The following KLHL22 variants were observed in gnomAD, a reference collection of about 807,000 sequenced individuals.
KLHL22 encodes the protein kelch-like protein 22.
In KLHL22, 18 loss-of-function variants were observed where a neutral mutation model predicts 60.7. That is an observed-to-expected ratio of 0.30 (90% CI 0.20 to 0.44). KLHL22 has a LOEUF of 0.44. KLHL22 is among the 20% of genes least tolerant of loss of function. The pLI, the probability that KLHL22 is intolerant of heterozygous loss-of-function variation, is 1.00. For missense variants in KLHL22, 596 were observed against 852.3 expected (o/e 0.70, Z 3.74); for synonymous variants, 355 against 354.5 (o/e 1.00, Z -0.01).
At chr22:20,455,739 C>T (rs901658560) in intron 5 of KLHL22, among the ~76,000 whole-genome samples, 3 of 152,222 alleles carry the variant, frequency 2.0e-5, no homozygotes, top group Non-Finnish European at 2.9e-5. Context: ...TGGTAAAAAA[C>T]ACACCTCCTG....
At chr22:20,489,952 G>C in intron 1 of KLHL22, 1 of 368,594 alleles carries the variant, frequency 2.7e-6, no homozygotes, top group South Asian at 2.1e-5. Flanking sequence ...TCTAATAATT[G>C]AGTCAGTACG....
intron 2 of KLHL22, chr22:20,483,296 A>C: frequency 1.4e-6 from 1 of 709,430 alleles, no homozygotes; most frequent in Non-Finnish European, 2.6e-6. Flanking sequence ...TGCTGAGACC[A>C]GTACTTGTCC....
In KLHL22 at chr22:20,483,432, T is replaced by C. The variant is rs1365023174; in HGVS notation, c.227+5553A>G. 5.1e-5 allele frequency: 42 copies of C among 821,714 alleles called. No homozygotes were observed. The East Asian group carries it at 1.0e-3, about 20-fold the overall frequency. 50.9% of individuals were successfully genotyped at this position (821,714 alleles called of 1,614,324 possible). A position where few individuals can be genotyped will look rare whatever the true frequency, so the allele number is the denominator to read the frequency against. ...TCAACCCAGAGCTGGCAATCTGGTCTTGTAGGCCTTTTACTTCCTCTTCAT... is the reference window on the plus strand; with the variant it reads ...TCAACCCAGAGCTGGCAATCTGGTCCTGTAGGCCTTTTACTTCCTCTTCAT... On this transcript the variant is annotated intron_variant, in intron 2 of 6. Transcript: ENST00000328879.
At chr22:20,486,211 T>A (rs1266057930) in intron 2 of KLHL22, among the ~76,000 whole-genome samples, 1 of 149,010 alleles carries the variant, frequency 6.7e-6, no homozygotes, top group East Asian at 1.9e-4. Context: ...TGTAAAATAA[T>A]TCAGACAATG....
chr22:20,447,718 T>C (rs1239863532), intron 5 of KLHL22, among the ~76,000 whole-genome samples: 1 of 152,064 alleles, frequency 6.6e-6, no homozygotes, highest in East Asian at 1.9e-4. Flanking sequence ...AACTTTTGTA[T>C]TTTTAATAGA....
chr22:20,465,061 G>A lies in KLHL22; in HGVS notation c.909C>T (p.Phe303=), dbSNP rs763711705. 2.5e-5 allele frequency: 41 copies of A among 1,611,920 alleles called. No homozygotes were observed. In the East Asian group the frequency reaches 5.6e-4, roughly 22 times the overall value. The change falls in exon 4 of 7, where the codon TTC becomes TTT. Residue 303 remains phenylalanine, a synonymous_variant. Coordinates refer to ENST00000328879, the MANE Select transcript of KLHL22 (RefSeq NM_032775.4). The surrounding 1 kb of genome is among the most constrained non-coding windows in gnomAD (Gnocchi z 4.9). Reference sequence around the variant, plus strand: ...TGGACGGCGTGGAGTGAATGCCCCCGAAGCCCACAACGCACTGGAAGTCCG... The same window carrying A: ...TGGACGGCGTGGAGTGAATGCCCCCAAAGCCCACAACGCACTGGAAGTCCG... ...LRSDFQCVVG[F]GGIHSTPSTV...
chr22:20,474,175 A>G (rs1300167550), intron 2 of KLHL22, among the ~76,000 whole-genome samples: 1 of 151,464 alleles, frequency 6.6e-6, no homozygotes, highest in Non-Finnish European at 1.5e-5. Context: ...AATTTTTTGT[A>G]TTTTTAGTAG....
At chr22:20,466,845 G>C (rs116129811) in intron 3 of KLHL22, among the ~76,000 whole-genome samples, 1,635 of 152,202 alleles carry the variant, frequency 0.011, 37 homozygotes, top group African/African-American at 0.037. Context: ...CTCCCAGGTG[G>C]CCATATCAAC....
At chr22:20,493,351 G>T (rs1265352325) in intron 1 of KLHL22, 1 of 421,550 alleles carries the variant, frequency 2.4e-6, no homozygotes, top group Non-Finnish European at 4.8e-6. Context: ...TCTCTGCTGG[G>T]AAGGAGCACA....
At chr22:20,478,392 A>T (rs1318838543) in intron 2 of KLHL22, among the ~76,000 whole-genome samples, 2 of 149,084 alleles carry the variant, frequency 1.3e-5, no homozygotes, top group African/African-American at 2.5e-5. Context: ...TTTAGAAGAG[A>T]TGGGGTTTCT....
At chr22:20,464,304 T>C (rs1415834090) in intron 4 of KLHL22, among the ~76,000 whole-genome samples, 3 of 152,228 alleles carry the variant, frequency 2.0e-5, no homozygotes, top group African/African-American at 7.2e-5. Flanking sequence ...TGAGGCTCGG[T>C]GATGCTTGTT....
chr22:20,482,286 G>A (rs1005081661), intron 2 of KLHL22: 1 of 153,436 alleles, frequency 6.5e-6, no homozygotes, highest in African/African-American at 2.4e-5. Flanking sequence ...CTGCAGATAT[G>A]CTATATAGAC....
chr22:20,489,809 G>T (rs1454915643), intron 1 of KLHL22: 1 of 471,174 alleles, frequency 2.1e-6, no homozygotes, highest in Non-Finnish European at 4.4e-6. Context: ...AGTCTGGGAG[G>T]TGGGTGCCAA....
rs537208562 is a variant in KLHL22, at chr22:20,464,962, G to T, written c.1008C>A (p.Ala336=). Residue 336 remains alanine (A), a synonymous_variant, in exon 4 of 7, where the codon GCC becomes GCA. Coordinates refer to ENST00000328879, the MANE Select transcript of KLHL22 (RefSeq NM_032775.4). ...GEWKHFTASL[A]PRMSNQGIAV... ...CGATGCCCTGGTTGGACATGCGGGGGGCCAGGGAGGCAGTGAAGTGCTTCC... is the reference window on the plus strand; with the variant it reads ...CGATGCCCTGGTTGGACATGCGGGGTGCCAGGGAGGCAGTGAAGTGCTTCC... 1 of 1,608,662 alleles carries T rather than the reference G, an allele frequency of 6.2e-7. No homozygotes were observed. The highest frequency in any genetic ancestry group is 8.5e-7 in the Non-Finnish European group (1 of 1,177,232).
chr22:20,446,259 G>A (rs2052857735), intron 6 of KLHL22, among the ~76,000 whole-genome samples, 184 bp downstream of exon 6: 1 of 152,168 alleles, frequency 6.6e-6, no homozygotes. Context: ...GAGGCTATAT[G>A]TGTATGGGGG....
intron 4 of KLHL22, among the ~76,000 whole-genome samples, chr22:20,463,209 G>A (rs375137542): frequency 1.6e-3 from 245 of 152,294 alleles, no homozygotes; most frequent in African/African-American, 5.6e-3. Context: ...CTCTCTCAAG[G>A]CAGGTCTTGC....
chr22:20,459,882 T>C (rs142479781), intron 4 of KLHL22, among the ~76,000 whole-genome samples: 11 of 152,172 alleles, frequency 7.2e-5, no homozygotes, highest in African/African-American at 2.4e-4. Flanking sequence ...TGACAGACAC[T>C]GTGAAAGAAA....
chr22:20,464,935 C>T lies in KLHL22; in HGVS notation c.1035G>A (p.Ala345=), dbSNP rs753763513. The T allele has an allele frequency of 8.2e-6, 13 of 1,589,970 alleles. No individual in the cohort carries two copies. Among genetic ancestry groups the T allele is most frequent in the Admixed American group, 7.1e-5 (4 of 56,080 alleles). ...TCAAGTATACGAAGTTGTTGAGCAC[C>T]GCGATGCCCTGGTTGGACATGCGGG... ...LAPRMSNQGI[A]VLNNFVYLIG... The change falls in exon 4 of 7, where the codon GCG becomes GCA. Residue 345 remains alanine (A), a synonymous_variant. Transcript: ENST00000328879.
chr22:20,491,785 GC>G (rs2053695847), intron 1 of KLHL22: 1 of 152,196 alleles, frequency 6.6e-6, no homozygotes, highest in Non-Finnish European at 1.5e-5. Flanking sequence ...GAGGCTCAGG[GC>G]CACCCCCAAC....
Sources: gnomAD v4.1 joint callset for allele counts (sites outside exome capture counted in the v4.1 genomes callset) on GRCh38, gnomAD v4.1.1 for gene constraint, Gnocchi (gnomAD v3.1) non-coding constraint, MANE v1.5 for transcripts, NCBI Gene and HGNC (gene_info 2026-07-23, HGNC 2026-07-21) for gene names.